CTXND1: variants seen among roughly 807,000 people sequenced by gnomAD.
CTXND1 encodes the protein cortexin domain-containing 1 protein.
intron 1 of CTXND1, among the ~76,000 whole-genome samples, chr15:80,222,547 A>G (rs1220329415): frequency 1.3e-5 from 2 of 152,170 alleles, no homozygotes; most frequent in Admixed American, 6.5e-5. Context: ...TTTTCTTAAA[A>G]TAGGTTTGTT....
rs866573764 is a variant in CTXND1 at position 80,204,169 on chromosome 15, A to T, written c.-217-429T>A. Reference sequence around the variant, plus strand: ...CTCAAAAAAAAAAAAAAAAAAAAAAAATATATATATATATATATATATATA... The same window carrying T: ...CTCAAAAAAAAAAAAAAAAAAAAAATATATATATATATATATATATATATA... On this transcript the variant is annotated intron_variant, in intron 1 of 2. Coordinates refer to ENST00000560778, the MANE Select transcript of CTXND1 (RefSeq NM_001352888.2). 5.2e-4 allele frequency among the ~76,000 whole-genome samples: 34 copies of T among 65,156 alleles called. 1 individual carries two copies. The highest frequency in any genetic ancestry group is 2.5e-3 in the African/African-American group (32 of 12,948). The allele number at this position is 65,156 out of a possible 152,430, so 42.7% of individuals were successfully genotyped here. A position where few individuals can be genotyped will look rare whatever the true frequency, so the allele number is the denominator to read the frequency against.
intron 1 of CTXND1, among the ~76,000 whole-genome samples, chr15:80,242,234 G>A (rs1047811718): frequency 3.9e-5 from 6 of 152,324 alleles, no homozygotes; most frequent in Non-Finnish European, 8.8e-5. Context: ...GCCCTAAAAC[G>A]AGTTCCTGCA....
intron 1 of CTXND1, among the ~76,000 whole-genome samples, chr15:80,241,718 G>A (rs1464314874): frequency 6.6e-6 from 1 of 152,190 alleles, no homozygotes; most frequent in Non-Finnish European, 1.5e-5. Context: ...GAGACCCCAG[G>A]TGCCCACGGA....
intron 1 of CTXND1, among the ~76,000 whole-genome samples, chr15:80,246,350 A>G (rs1340332117): frequency 6.6e-6 from 1 of 152,208 alleles, no homozygotes; most frequent in Non-Finnish European, 1.5e-5. Context: ...TTTGTTGTGG[A>G]AGAGTCATGG....
chr15:80,229,968 T>C (rs1270980590), intron 1 of CTXND1, among the ~76,000 whole-genome samples: 1 of 152,138 alleles, frequency 6.6e-6, no homozygotes, highest in East Asian at 1.9e-4. Context: ...GAAGAGCAAC[T>C]AGGGTGACAG....
intron 1 of CTXND1, among the ~76,000 whole-genome samples, chr15:80,219,098 A>T (rs1231484074): frequency 2.2e-5 from 3 of 138,192 alleles, no homozygotes; most frequent in African/African-American, 5.3e-5. Flanking sequence ...CTCCCAGCTA[A>T]TTTTTTTTTT....
At chr15:80,208,397 C>T (rs1441193818) in intron 1 of CTXND1, among the ~76,000 whole-genome samples, 1 of 152,136 alleles carries the variant, frequency 6.6e-6, no homozygotes, top group Non-Finnish European at 1.5e-5. Flanking sequence ...GTACAATCTG[C>T]ACATGCTGGG....
intron 1 of CTXND1, among the ~76,000 whole-genome samples, chr15:80,224,128 A>T (rs1344077700): frequency 1.3e-5 from 2 of 152,198 alleles, no homozygotes; most frequent in African/African-American, 4.8e-5. Flanking sequence ...GGAAAGAGGG[A>T]TGCCTGAGGA....
At chr15:80,220,353 T>C (rs2142129692) in intron 1 of CTXND1, among the ~76,000 whole-genome samples, 1 of 152,354 alleles carries the variant, frequency 6.6e-6, no homozygotes, top group East Asian at 1.9e-4. Flanking sequence ...GTAATGCCAC[T>C]TCTAGTTTCC....
intron 1 of CTXND1, among the ~76,000 whole-genome samples, chr15:80,246,411 A>AT (rs1273249869): frequency 1.2e-4 from 18 of 152,256 alleles, no homozygotes; most frequent in Middle Eastern, 6.8e-3. Context: ...TCCGTTTGTG[A>AT]TTTTTCCTGG....
Position 80,199,099 on chromosome 15 carries a change from GCTA to G in CTXND1, c.*2668_*2670del, listed in dbSNP as rs1344869533. On this transcript the variant is annotated 3_prime_UTR_variant, in exon 3 of 3. Coordinates refer to ENST00000560778, the MANE Select transcript of CTXND1 (RefSeq NM_001352888.2). Reference sequence around the variant, plus strand: ...TTATATTTTCCACCCTTCCTGAAATGCTACTATTTCCTGTTGCCATCAAACAAG... The same window carrying G: ...TTATATTTTCCACCCTTCCTGAAATGCTATTTCCTGTTGCCATCAAACAAG... 1.3e-5 allele frequency: 2 copies of G among 152,212 alleles called. No homozygotes were observed. Among genetic ancestry groups the G allele is most frequent in the African/African-American group, 4.8e-5 (2 of 41,450 alleles). The allele number at this position is 152,212 out of a possible 1,614,324, so 9.4% of individuals were successfully genotyped here.
intron 1 of CTXND1, among the ~76,000 whole-genome samples, chr15:80,223,147 C>T (rs923520826): frequency 2.6e-5 from 4 of 152,118 alleles, no homozygotes; most frequent in Non-Finnish European, 4.4e-5. Flanking sequence ...GGCGCGCTCT[C>T]GGCCCACCTC....
chr15:80,211,744 G>A (rs1896429), intron 1 of CTXND1, among the ~76,000 whole-genome samples: 40,458 of 152,124 alleles, frequency 0.27, 5,702 homozygotes, highest in Middle Eastern at 0.35. Flanking sequence ...TAAGAAAAGA[G>A]GGGTATTTCT....
Position 80,197,013 on chromosome 15 carries a change from G to C in CTXND1, c.*4757C>G, listed in dbSNP as rs941499033. 2.0e-5 allele frequency: 3 copies of C among 152,164 alleles called. No individual in the cohort carries two copies. The highest frequency in any genetic ancestry group is 4.8e-5 in the African/African-American group (2 of 41,416). 9.4% of individuals were successfully genotyped at this position (152,164 alleles called of 1,614,324 possible). A position where few individuals can be genotyped will look rare whatever the true frequency, so the allele number is the denominator to read the frequency against. Reference sequence around the variant, plus strand: ...TCCTTCTCCTTGTCTCTCTAGGCAAGAGATGGTAACAGTTGGTGGCCTGCC... The same window carrying C: ...TCCTTCTCCTTGTCTCTCTAGGCAACAGATGGTAACAGTTGGTGGCCTGCC... On this transcript the variant is annotated 3_prime_UTR_variant, in exon 3 of 3. Coordinates refer to ENST00000560778, the MANE Select transcript of CTXND1 (RefSeq NM_001352888.2).
At chr15:80,238,281 T>C (rs928774607) in intron 1 of CTXND1, among the ~76,000 whole-genome samples, 3 of 152,184 alleles carry the variant, frequency 2.0e-5, no homozygotes, top group Non-Finnish European at 2.9e-5. Flanking sequence ...TTATCTTTTA[T>C]GCCATATTTT....
intron 1 of CTXND1, among the ~76,000 whole-genome samples, chr15:80,237,747 G>A (rs894156999): frequency 2.6e-5 from 4 of 152,218 alleles, no homozygotes; most frequent in South Asian, 4.1e-4. Context: ...AGTGGCTCAC[G>A]CCTGTAATCC....
chr15:80,201,790 C>A lies in CTXND1; in HGVS notation c.160G>T (p.Glu54Ter). The change falls in exon 3 of 3, where the codon GAG (glutamate) becomes TAG (stop). Residue 54 changes from glutamate (E) to a stop codon, truncating the protein, a stop_gained. Coordinates refer to ENST00000560778, the MANE Select transcript of CTXND1 (RefSeq NM_001352888.2). LOFTEE classifies it high-confidence loss of function. ...YSAIPTSTWEEQHLDD is the reference protein window; with the variant it reads ...YSAIPTSTWE The stretch of plus-strand genomic sequence containing the variant: ...GTGCCTCAGTCGTCCAGGTGCTGCT[C>A]CTCCCAGGTGGATGTGGGGATGGCG... 1 of 398,902 alleles carries A rather than the reference C, an allele frequency of 2.5e-6. No individual in the cohort carries two copies. The highest frequency in any genetic ancestry group is 1.3e-4 in the South Asian group (1 of 7,854). The allele number at this position is 398,902 out of a possible 1,614,324, so 24.7% of individuals were successfully genotyped here. A position where few individuals can be genotyped will look rare whatever the true frequency, so the allele number is the denominator to read the frequency against.
intron 1 of CTXND1, among the ~76,000 whole-genome samples, chr15:80,233,843 A>G (rs1209221991): frequency 2.0e-5 from 3 of 152,246 alleles, no homozygotes; most frequent in African/African-American, 7.2e-5. Context: ...ATTCCTCTGC[A>G]TGCGTGAAGA....
chr15:80,206,630 G>A (rs974976944), intron 1 of CTXND1, among the ~76,000 whole-genome samples: 12 of 151,442 alleles, frequency 7.9e-5, no homozygotes, highest in South Asian at 2.1e-4. Flanking sequence ...AATTGTTTAC[G>A]TTTGTTCTTT....
Sources: gnomAD v4.1 joint callset for allele counts (sites outside exome capture counted in the v4.1 genomes callset) on GRCh38, gnomAD v4.1.1 for gene constraint, MANE v1.5 for transcripts, NCBI Gene and HGNC (gene_info 2026-07-23, HGNC 2026-07-21) for gene names.